Variants in TPD52L1 observed in about 807,000 individuals in gnomAD.
TPD52L1 encodes tumor protein D53.
TPD52L1 carries 18 observed loss-of-function variants against 28.7 expected under a neutral mutation model. The observed-to-expected ratio is 0.63, with a 90% CI of 0.43 to 0.93. TPD52L1 has a LOEUF of 0.93. Ranked by LOEUF, TPD52L1 falls within the 40% of genes least tolerant of loss-of-function variation. The pLI is 0.00. For synonymous variants in TPD52L1, 75 were observed against 88.8 expected (o/e 0.84, Z 0.88); for missense variants, 203 against 254.8 (o/e 0.80, Z 1.39).
At chr6:125,233,488 T>C (rs1188207611) in intron 3 of TPD52L1, among the ~76,000 whole-genome samples, 2 of 152,202 alleles carry the variant, frequency 1.3e-5, no homozygotes, top group African/African-American at 4.8e-5. Context: ...CTCACATGGT[T>C]GTTCATTCTT....
chr6:125,187,616 G>A (rs1406001959), intron 1 of TPD52L1, among the ~76,000 whole-genome samples: 1 of 152,106 alleles, frequency 6.6e-6, no homozygotes, highest in Non-Finnish European at 1.5e-5. Flanking sequence ...CCAACATTTG[G>A]CACATACATT....
rs913334671 is a variant in TPD52L1 at position 125,257,644 on chromosome 6, T to C, written c.486+486T>C. Among the ~76,000 whole-genome samples, 7 of 152,172 alleles carry C rather than the reference T, an allele frequency of 4.6e-5. No individual in the cohort carries two copies. The East Asian group carries it at 1.2e-3, about 25-fold the overall frequency. On this transcript the variant is annotated intron_variant, in intron 6 of 6. Coordinates refer to ENST00000534000, the MANE Select transcript of TPD52L1 (RefSeq NM_003287.4). ...TGAGCACAGCACAGTATGGCTATCATAGAGGGAAAATTAAACTGAGTCACA... is the reference window on the plus strand; with the variant it reads ...TGAGCACAGCACAGTATGGCTATCACAGAGGGAAAATTAAACTGAGTCACA...
intron 1 of TPD52L1, among the ~76,000 whole-genome samples, chr6:125,159,018 G>C (rs1462034743): frequency 6.6e-6 from 1 of 152,218 alleles, no homozygotes; most frequent in Non-Finnish European, 1.5e-5. Context: ...ACTGGTGGAG[G>C]GTCTTGCCTG....
At chr6:125,190,098 A>G (rs987130906) in intron 1 of TPD52L1, among the ~76,000 whole-genome samples, 1 of 152,158 alleles carries the variant, frequency 6.6e-6, no homozygotes, top group African/African-American at 2.4e-5. Context: ...ATGTCTTTCT[A>G]TGGCTGAAGA....
chr6:125,216,529 G>GTATATATATATA (rs56135453), intron 1 of TPD52L1, among the ~76,000 whole-genome samples: 1 of 69,064 alleles, frequency 1.4e-5, no homozygotes, highest in Non-Finnish European at 2.4e-5. Context: ...GTATGTGTGT[G>GTATATATATATA]TATATATATA....
Position 125,229,122 on chromosome 6 carries a change from A to G in TPD52L1, c.140A>G (p.Glu47Gly). 1 of 1,611,700 alleles carries G rather than the reference A, an allele frequency of 6.2e-7. No homozygotes were observed. The highest frequency in any genetic ancestry group is 8.5e-7 in the Non-Finnish European group (1 of 1,179,180). Residue 47 changes from glutamate (E) to glycine (G), a missense_variant, in exon 3 of 7, where the codon GAA becomes GGA. Glu to Gly is a moderately conservative substitution (Grantham distance 98). Transcript: ENST00000534000. ...CATTTCCCCTCCGCCTTGTAGCTAG[A>G]AGACGAAATTACAACACTACGACAA... ...EELKAELVQL[E>G]DEITTLRQVL...
At chr6:125,248,570 CAGGCTT>C in intron 4 of TPD52L1, 187 bp downstream of exon 4, 1 of 567,474 alleles carries the variant, frequency 1.8e-6, no homozygotes, top group Non-Finnish European at 3.1e-6. Flanking sequence ...GCCTGAAGGT[CAGGCTT>C]AGGTGGCCTG....
At chr6:125,225,687 T>G (rs1795564966) in intron 2 of TPD52L1, among the ~76,000 whole-genome samples, 1 of 152,220 alleles carries the variant, frequency 6.6e-6, no homozygotes, top group Non-Finnish European at 1.5e-5. Flanking sequence ...ATTAAATACT[T>G]TAATTCATTA....
intron 1 of TPD52L1, among the ~76,000 whole-genome samples, chr6:125,190,062 A>T (rs775647795): frequency 5.5e-4 from 84 of 152,134 alleles, no homozygotes; most frequent in Non-Finnish European, 1.1e-3. Context: ...GTATAGATAT[A>T]GCTATCTGCT....
At chr6:125,158,032 C>T (rs919032812) in intron 1 of TPD52L1, among the ~76,000 whole-genome samples, 16 of 152,090 alleles carry the variant, frequency 1.1e-4, no homozygotes, top group Admixed American at 6.6e-5. Context: ...TCTCTGTCTC[C>T]GTGGTTATGC....
chr6:125,190,978 C>G (rs771395511), intron 1 of TPD52L1, among the ~76,000 whole-genome samples: 1 of 152,184 alleles, frequency 6.6e-6, no homozygotes, highest in Non-Finnish European at 1.5e-5. Flanking sequence ...ATATCATTCT[C>G]TGTTGCTACA....
At chr6:125,208,344 G>A (rs1794290215) in intron 1 of TPD52L1, among the ~76,000 whole-genome samples, 1 of 152,182 alleles carries the variant, frequency 6.6e-6, no homozygotes, top group Admixed American at 6.5e-5. Context: ...AGTTTCCTAG[G>A]ACAGAGGAAA....
At chr6:125,189,839 G>A (rs1270890952) in intron 1 of TPD52L1, among the ~76,000 whole-genome samples, 1 of 152,112 alleles carries the variant, frequency 6.6e-6, no homozygotes, top group East Asian at 1.9e-4. Flanking sequence ...TGTGTTTTAA[G>A]GTTTGTTTAG....
intron 1 of TPD52L1, chr6:125,154,619 G>T: frequency 1.2e-6 from 1 of 823,004 alleles, no homozygotes; most frequent in Non-Finnish European, 1.5e-6. Context: ...TGCTCCCGGG[G>T]CTGCCTGCTG....
chr6:125,192,775 C>A (rs1002021570), intron 1 of TPD52L1, among the ~76,000 whole-genome samples: 4 of 152,120 alleles, frequency 2.6e-5, no homozygotes, highest in African/African-American at 9.7e-5. Flanking sequence ...CCCAGATGGA[C>A]CCATATGGAC....
chr6:125,246,295 C>G (rs970019263), intron 3 of TPD52L1, among the ~76,000 whole-genome samples: 3 of 152,156 alleles, frequency 2.0e-5, no homozygotes, highest in Non-Finnish European at 2.9e-5. Context: ...TCCTCTCGCA[C>G]TCTAGGAACT....
intron 1 of TPD52L1, among the ~76,000 whole-genome samples, chr6:125,177,875 T>C (rs972765123): frequency 6.6e-6 from 1 of 152,204 alleles, no homozygotes; most frequent in Non-Finnish European, 1.5e-5. Flanking sequence ...CAATTTCATA[T>C]TTAAGCACTT....
chr6:125,217,243 T>C (rs1794947602), intron 1 of TPD52L1, among the ~76,000 whole-genome samples: 1 of 152,278 alleles, frequency 6.6e-6, no homozygotes, highest in East Asian at 1.9e-4. Context: ...GGTGATGTTT[T>C]TGGGATGATT....
rs1207907943 is a variant in TPD52L1, at chr6:125,220,132, C to T, written c.74C>T (p.Ala25Val). The T allele has an allele frequency of 2.5e-6, 4 of 1,613,766 alleles. No individual in the cohort carries two copies. The East Asian group carries it at 6.7e-5, about 27-fold the overall frequency. Reference sequence around the variant, plus strand: ...ACAGACGAAGATGCAGTAGCCAGTGCTGACTTCTCTAGCATGCTCTCTGAG... The same window carrying T: ...ACAGACGAAGATGCAGTAGCCAGTGTTGACTTCTCTAGCATGCTCTCTGAG... Reference protein sequence around the residue: ...QGTDEDAVASADFSSMLSEEE... With the variant: ...QGTDEDAVASVDFSSMLSEEE... The change falls in exon 2 of 7, where the codon GCT becomes GTT. Residue 25 changes from alanine to valine, a missense_variant. Ala to Val is a moderately conservative substitution (Grantham distance 64, BLOSUM62 0). Coordinates refer to ENST00000534000, the MANE Select transcript of TPD52L1 (RefSeq NM_003287.4).
Sources: allele counts gnomAD v4.1 joint callset (sites outside exome capture counted in the v4.1 genomes callset), GRCh38; gene constraint gnomAD v4.1.1; transcripts MANE v1.5; gene names NCBI Gene and HGNC (gene_info 2026-07-23, HGNC 2026-07-21).